KHDRBS3: variants seen among roughly 807,000 people sequenced by gnomAD.
The protein encoded by KHDRBS3 is KH domain-containing, RNA-binding, signal transduction-associated protein 3.
In KHDRBS3, 23 loss-of-function variants were observed where a neutral mutation model predicts 45.6. That is an observed-to-expected ratio of 0.50 (90% confidence interval 0.36 to 0.72). KHDRBS3 has a LOEUF of 0.72. KHDRBS3 is among the 30% of genes least tolerant of loss of function. The pLI is 0.00. For missense variants in KHDRBS3, 352 were observed against 424.8 expected (o/e 0.83, Z 1.51); for synonymous variants, 162 against 156.5 (o/e 1.04, Z -0.26).
intron 1 of KHDRBS3, among the ~76,000 whole-genome samples, chr8:135,482,283 A>G (rs904298850): frequency 6.6e-6 from 1 of 152,240 alleles, no homozygotes; most frequent in African/African-American, 2.4e-5. Flanking sequence ...AGAAAGAAAA[A>G]TAATTAACAA....
intron 6 of KHDRBS3, among the ~76,000 whole-genome samples, chr8:135,598,621 T>C (rs148499363): frequency 4.6e-5 from 7 of 152,334 alleles, no homozygotes; most frequent in African/African-American, 1.4e-4. Context: ...AAGATTCTTA[T>C]TTAGAATCAT....
chr8:135,485,440 G>C (rs945973014), intron 1 of KHDRBS3, among the ~76,000 whole-genome samples: 3 of 152,132 alleles, frequency 2.0e-5, no homozygotes, highest in Non-Finnish European at 4.4e-5. Context: ...CCAAGGTTTA[G>C]AGATAAAGTA....
chr8:135,517,911 G>C (rs1824699082), intron 1 of KHDRBS3, among the ~76,000 whole-genome samples: 1 of 152,132 alleles, frequency 6.6e-6, no homozygotes, highest in African/African-American at 2.4e-5. Flanking sequence ...AGGATGCTGT[G>C]TATATGTAGA....
In KHDRBS3 at chr8:135,535,320, AT is replaced by A. The variant is rs1825687796; in HGVS notation, c.208-7332del. 6.1e-5 allele frequency among the ~76,000 whole-genome samples: 5 copies of A among 81,768 alleles called. 1 individual carries two copies. The highest frequency in any genetic ancestry group is 2.8e-4 in the Admixed American group (2 of 7,048). 53.6% of individuals were successfully genotyped at this position (81,768 alleles called of 152,430 possible). On this transcript the variant is annotated intron_variant, in intron 2 of 8. Transcript: ENST00000355849. Reference sequence around the variant, plus strand: ...TATATAGTTAAACTATATATAAACTATTATATATAGTTAAACTATATATAAA... The same window carrying A: ...TATATAGTTAAACTATATATAAACTATATATATAGTTAAACTATATATAAA...
rs540854844 is a variant in KHDRBS3 at position 135,512,636 on chromosome 8, T to G, written c.89-8601T>G. Among the ~76,000 whole-genome samples, 3 of 152,318 alleles carry G rather than the reference T, an allele frequency of 2.0e-5. No homozygotes were observed. In the East Asian group the frequency reaches 5.8e-4, roughly 29 times the overall value. On this transcript the variant is annotated intron_variant, in intron 1 of 8. Coordinates refer to ENST00000355849, the MANE Select transcript of KHDRBS3 (RefSeq NM_006558.3). ...TACAAACTCACTATACTCCTTTAAA[T>G]TATTTTAAACATTCATTCATTCATT...
chr8:135,465,364 TGTGA>T (rs1394829351), intron 1 of KHDRBS3, among the ~76,000 whole-genome samples: 4 of 152,256 alleles, frequency 2.6e-5, no homozygotes, highest in Non-Finnish European at 4.4e-5. Flanking sequence ...AAGACAGATG[TGTGA>T]GTATCGACAT....
At position 135,582,044 on chromosome 8, in the gene KHDRBS3, C is replaced by A. The variant is rs779628832; in HGVS notation, c.778C>A (p.Pro260Thr). The A allele has an allele frequency of 1.3e-6, 2 of 1,584,756 alleles. No individual in the cohort carries two copies. Among genetic ancestry groups the A allele is most frequent in the African/African-American group, 2.7e-5 (2 of 74,060 alleles). ...AACTGGGTACAGACCTCCACCGCCACCCCCGACACAAGAGACTTATGGAGA... is the reference window on the plus strand; with the variant it reads ...AACTGGGTACAGACCTCCACCGCCAACCCCGACACAAGAGACTTATGGAGA... ...PPTGYRPPPP[P>T]PTQETYGEYD... The change falls in exon 6 of 9, where the codon CCC becomes ACC. Residue 260 changes from proline (P) to threonine (T), a missense_variant. By Grantham distance (38) the Pro-to-Thr change is conservative (BLOSUM62 -1). This residue lies in a region of KHDRBS3 where 212 missense variants were observed against 209.6 expected (regional missense o/e 1.01). Transcript: ENST00000355849.
intron 7 of KHDRBS3, among the ~76,000 whole-genome samples, chr8:135,636,365 A>G (rs1830813361): frequency 6.6e-6 from 1 of 152,244 alleles, no homozygotes; most frequent in South Asian, 2.1e-4. Flanking sequence ...AAAATTCCTT[A>G]AAGAAAAGAA....
At chr8:135,607,126 A>G in intron 7 of KHDRBS3, 89 bp downstream of exon 7, 3 of 990,556 alleles carry the variant, frequency 3.0e-6, no homozygotes, top group Non-Finnish European at 4.6e-6. Context: ...GCAGTCAGCT[A>G]GAGAGGGTAA....
chr8:135,496,724 TA>T (rs1295479583), intron 1 of KHDRBS3, among the ~76,000 whole-genome samples: 6 of 152,220 alleles, frequency 3.9e-5, no homozygotes, highest in Non-Finnish European at 2.9e-5. Context: ...CAAAGTGGTT[TA>T]AAACAGTGTG....
chr8:135,497,555 CT>C (rs1226521912), intron 1 of KHDRBS3, among the ~76,000 whole-genome samples: 2 of 152,116 alleles, frequency 1.3e-5, no homozygotes, highest in Admixed American at 1.3e-4. Context: ...CCAGAAAACT[CT>C]TCTCTTGGGC....
chr8:135,642,823 T>C (rs1345645863), intron 7 of KHDRBS3, among the ~76,000 whole-genome samples: 4 of 151,066 alleles, frequency 2.6e-5, no homozygotes, highest in African/African-American at 9.7e-5. Context: ...TGATGGAGTC[T>C]CGCTCTGTCG....
chr8:135,590,650 A>G (rs562550802), intron 6 of KHDRBS3, among the ~76,000 whole-genome samples: 15 of 152,342 alleles, frequency 9.8e-5, no homozygotes, highest in African/African-American at 3.6e-4. Flanking sequence ...ACATGTTTTA[A>G]TGATGGTAGA....
intron 2 of KHDRBS3, chr8:135,540,682 A>C (rs1826002697): frequency 6.6e-6 from 1 of 152,206 alleles, no homozygotes; most frequent in Non-Finnish European, 1.5e-5. Flanking sequence ...CCTCCTCTTA[A>C]GAGATTGAGG....
chr8:135,565,223 A>G (rs1406464116), intron 5 of KHDRBS3, among the ~76,000 whole-genome samples: 1 of 152,186 alleles, frequency 6.6e-6, no homozygotes, highest in African/African-American at 2.4e-5. Flanking sequence ...TTAAGCAAGA[A>G]CATGATTTGA....
chr8:135,525,799 A>T (rs1825152382), intron 2 of KHDRBS3, among the ~76,000 whole-genome samples: 1 of 152,194 alleles, frequency 6.6e-6, no homozygotes, highest in Non-Finnish European at 1.5e-5. Flanking sequence ...TGACCAGATT[A>T]TAGACCCTGT....
intron 1 of KHDRBS3, among the ~76,000 whole-genome samples, chr8:135,469,521 TGG>T (rs112695828): frequency 0.016 from 516 of 33,102 alleles, 7 homozygotes; most frequent in African/African-American, 0.034. Context: ...TTTTTTGTTT[TGG>T]TTTTTTTTTT....
At chr8:135,630,848 G>A (rs1830566657) in intron 7 of KHDRBS3, among the ~76,000 whole-genome samples, 2 of 152,304 alleles carry the variant, frequency 1.3e-5, no homozygotes, top group South Asian at 4.1e-4. Context: ...GTTACTGTGG[G>A]TGAGTGAGTG....
intron 5 of KHDRBS3, among the ~76,000 whole-genome samples, chr8:135,565,345 C>G (rs2130863991): frequency 6.6e-6 from 1 of 152,296 alleles, no homozygotes; most frequent in Non-Finnish European, 1.5e-5. Flanking sequence ...CCTGGTTATA[C>G]TTTTACACAT....
Sources: allele counts gnomAD v4.1 joint callset (sites outside exome capture counted in the v4.1 genomes callset), GRCh38; gene constraint gnomAD v4.1.1; regional missense constraint gnomAD v4.1.1; transcripts MANE v1.5; gene names NCBI Gene and HGNC (gene_info 2026-07-23, HGNC 2026-07-21).